KIAA1549: variants seen among roughly 807,000 people sequenced by gnomAD.
The protein encoded by KIAA1549 is KIAA1549.
In KIAA1549, 70 loss-of-function variants were observed where a neutral mutation model predicts 156.4. The ratio of observed to expected loss-of-function variants is 0.45; its 90% CI spans 0.37 to 0.55. The LOEUF (loss-of-function observed/expected upper bound fraction) is 0.55, where lower values mean the gene tolerates loss of function less well. Among genes scored for constraint, KIAA1549 ranks in the 20% least tolerant of loss-of-function variants. KIAA1549 has a pLI of 0.00. For synonymous variants in KIAA1549, 1,103 were observed against 1,066.4 expected (o/e 1.03, Z -0.67); for missense variants, 2,428 against 2,540.9 (o/e 0.96, Z 0.96).
chr7:138,974,442 T>G (rs995666693), intron 1 of KIAA1549, among the ~76,000 whole-genome samples: 2 of 151,994 alleles, frequency 1.3e-5, no homozygotes, highest in African/African-American at 4.8e-5. Flanking sequence ...TGGTTTGGTT[T>G]TGTTTTTTGA....
chr7:138,934,539 A>C (rs1026400546), intron 1 of KIAA1549, among the ~76,000 whole-genome samples: 1 of 152,004 alleles, frequency 6.6e-6, no homozygotes, highest in Non-Finnish European at 1.5e-5. Flanking sequence ...TTGATTCCTG[A>C]CTCAAATAAG....
chr7:138,872,868 C>T (rs1184716888), intron 12 of KIAA1549, among the ~76,000 whole-genome samples: 2 of 152,188 alleles, frequency 1.3e-5, no homozygotes, highest in African/African-American at 2.4e-5. Context: ...CATGTCTCTA[C>T]ATTCCAGCCT....
rs769026956 is a variant in KIAA1549 at position 138,869,753 on chromosome 7, G to A, written c.4560C>T (p.Thr1520=). The A allele has an allele frequency of 1.7e-5, 28 of 1,608,872 alleles. No individual in the cohort carries two copies. Among genetic ancestry groups the A allele is most frequent in the Middle Eastern group, 1.7e-4 (1 of 5,754 alleles). The change falls in exon 14 of 20, where the codon ACC becomes ACT. Residue 1520 remains threonine (T), a synonymous_variant. Transcript: ENST00000422774. The part of the protein sequence containing the change: ...ESNKINKEIQ[T]ALRHKSEIEH... Reference sequence around the variant, plus strand: ...CGATCTCAGACTTGTGCCGCAGCGCGGTCTGAATCTGAGGAAGGGTGAGGG... The same window carrying A: ...CGATCTCAGACTTGTGCCGCAGCGCAGTCTGAATCTGAGGAAGGGTGAGGG...
Position 138,837,047 on chromosome 7 carries a change from A to T in KIAA1549, c.*859T>A. On this transcript the variant is annotated 3_prime_UTR_variant, in exon 20 of 20. Transcript: ENST00000422774. ...GGATCGGCCTTAGCGATCGGTGCTGAACTGGGACATGACCAGGAGTTGTGT... is the reference window on the plus strand; with the variant it reads ...GGATCGGCCTTAGCGATCGGTGCTGTACTGGGACATGACCAGGAGTTGTGT... 1 of 229,096 alleles carries T rather than the reference A, an allele frequency of 4.4e-6. No individual in the cohort carries two copies. The allele number at this position is 229,096 out of a possible 1,614,324, so 14.2% of individuals were successfully genotyped here.
intron 8 of KIAA1549, among the ~76,000 whole-genome samples, chr7:138,901,080 C>G (rs1015823846): frequency 6.6e-6 from 1 of 152,188 alleles, no homozygotes; most frequent in Non-Finnish European, 1.5e-5. Flanking sequence ...CTTTGGTTAA[C>G]ATTTTCAATT....
chr7:138,941,485 CA>C (rs1209111235), intron 1 of KIAA1549, among the ~76,000 whole-genome samples: 1 of 152,218 alleles, frequency 6.6e-6, no homozygotes, highest in Non-Finnish European at 1.5e-5. Flanking sequence ...GATGGTTAAA[CA>C]GTTTCAAATT....
intron 10 of KIAA1549, 91 bp from the exon 11 acceptor site, chr7:138,881,675 A>G: frequency 1.8e-6 from 2 of 1,105,410 alleles, no homozygotes; most frequent in Non-Finnish European, 2.6e-6. Flanking sequence ...CTGTGCTGGC[A>G]ATTCCACAAC....
At chr7:138,931,689 T>C (rs1384520258) in intron 1 of KIAA1549, among the ~76,000 whole-genome samples, 1 of 150,178 alleles carries the variant, frequency 6.7e-6, no homozygotes, top group Non-Finnish European at 1.5e-5. Context: ...GAGGCAGAGG[T>C]TGCAGTAAGC....
At chr7:138,945,314 G>T (rs1007834486) in intron 1 of KIAA1549, among the ~76,000 whole-genome samples, 12 of 152,162 alleles carry the variant, frequency 7.9e-5, no homozygotes, top group African/African-American at 2.9e-4. Context: ...ATCTCATCCC[G>T]TCCTTCCAGG....
At chr7:138,886,871 T>A (rs907619461) in intron 10 of KIAA1549, among the ~76,000 whole-genome samples, 1 of 152,178 alleles carries the variant, frequency 6.6e-6, no homozygotes, top group African/African-American at 2.4e-5. Context: ...TAAATAAATG[T>A]ATTTATTATG....
chr7:138,879,391 C>T (rs896355170), intron 12 of KIAA1549, 147 bp downstream of exon 12: 2 of 590,484 alleles, frequency 3.4e-6, no homozygotes, highest in South Asian at 2.1e-5. Flanking sequence ...ATGGTGACAA[C>T]TGGTGCTAAG....
chr7:138,903,493 A>G, intron 8 of KIAA1549, 95 bp downstream of exon 8: 1 of 1,283,912 alleles, frequency 7.8e-7, no homozygotes, highest in Admixed American at 2.5e-5. Context: ...TCTCATTTGC[A>G]TAAAAATACA....
At chr7:138,947,306 C>T (rs559117349) in intron 1 of KIAA1549, among the ~76,000 whole-genome samples, 4 of 152,284 alleles carry the variant, frequency 2.6e-5, no homozygotes, top group South Asian at 4.1e-4. Flanking sequence ...AAGCACCTTC[C>T]GTCAGTACAT....
intron 1 of KIAA1549, among the ~76,000 whole-genome samples, chr7:138,960,336 G>A (rs1455828308): frequency 6.7e-6 from 1 of 150,288 alleles, no homozygotes; most frequent in Non-Finnish European, 1.5e-5. Context: ...TTGAGATGGT[G>A]TCTCACTCTA....
At chr7:138,868,948 A>G (rs1455342513) in intron 14 of KIAA1549, among the ~76,000 whole-genome samples, 2 of 152,222 alleles carry the variant, frequency 1.3e-5, no homozygotes, top group African/African-American at 4.8e-5. Context: ...CTGGCAGGCA[A>G]TAAGAGCCAC....
At chr7:138,871,451 C>A in intron 12 of KIAA1549, 89 bp from the exon 13 acceptor site, 1 of 1,208,380 alleles carries the variant, frequency 8.3e-7, no homozygotes, top group Admixed American at 3.1e-5. Context: ...TTTAAAGAAT[C>A]TTTGGATGGG....
At chr7:138,851,789 T>C (rs1810241371) in intron 17 of KIAA1549, among the ~76,000 whole-genome samples, 1 of 152,112 alleles carries the variant, frequency 6.6e-6, no homozygotes, top group Admixed American at 6.5e-5. Context: ...TTTACCAGGG[T>C]CTCCCCTCGT....
intron 16 of KIAA1549, among the ~76,000 whole-genome samples, chr7:138,853,652 C>G (rs1334173702): frequency 6.6e-6 from 1 of 152,208 alleles, no homozygotes; most frequent in African/African-American, 2.4e-5. Flanking sequence ...TTCTGACTCT[C>G]TCTGCTTCCA....
At chr7:138,883,319 T>TG (rs2130411798) in intron 10 of KIAA1549, among the ~76,000 whole-genome samples, 1 of 149,926 alleles carries the variant, frequency 6.7e-6, no homozygotes, top group East Asian at 1.9e-4. Flanking sequence ...ATTTCTTTTT[T>TG]TTTTTTTTTT....
Sources: allele counts gnomAD v4.1 joint callset (sites outside exome capture counted in the v4.1 genomes callset), GRCh38; gene constraint gnomAD v4.1.1; transcripts MANE v1.5; gene names NCBI Gene and HGNC (gene_info 2026-07-23, HGNC 2026-07-21).